The following SLC25A21 variants were observed in gnomAD, a reference collection of about 807,000 sequenced individuals.
SLC25A21 encodes solute carrier family 25 member 21.
Under a neutral mutation model 43.8 loss-of-function variants are expected in SLC25A21, and 47 were observed. That is an observed-to-expected ratio of 1.07 (90% CI 0.85 to 1.37). The LOEUF (loss-of-function observed/expected upper bound fraction) is 1.37, where lower values mean the gene tolerates loss of function less well. SLC25A21 is among the 40% of genes most tolerant of loss of function. The probability of loss-of-function intolerance (pLI) is 0.00; values close to 1 mark genes in which losing one functional copy is unlikely to be tolerated. For synonymous variants in SLC25A21, 131 were observed against 121.3 expected, an observed-to-expected ratio of 1.08 and a Z score of -0.52; for missense variants, 352 against 350.2, an observed-to-expected ratio of 1.00 and a Z score of -0.04.
At chr14:36,833,926 A>G (rs971546563) in intron 2 of SLC25A21, among the ~76,000 whole-genome samples, 2 of 152,228 alleles carry the variant, frequency 1.3e-5, no homozygotes, top group Non-Finnish European at 2.9e-5. Context: ...GGATTAAAAC[A>G]GAAAATAAGA....
chr14:36,799,016 C>T (rs1030853612), intron 3 of SLC25A21, among the ~76,000 whole-genome samples: 4 of 151,980 alleles, frequency 2.6e-5, no homozygotes, highest in African/African-American at 9.7e-5. Context: ...AGTTTGAGGA[C>T]AAGAGAGCTA....
chr14:36,903,881 C>CT lies in SLC25A21; in HGVS notation c.71-28878_71-28877insA, dbSNP rs368268215. On this transcript the variant is annotated intron_variant, in intron 1 of 9. Transcript: ENST00000331299. ...TCCAAGCTGAAAGCTGATTCTAAAT[C>CT]GAACTAAGCGCAATCACTTTGCTTT... Among the ~76,000 whole-genome samples, 502 of 152,218 alleles carry CT rather than the reference C, an allele frequency of 3.3e-3. 4 individuals are homozygous for CT. The highest frequency in any genetic ancestry group is 0.011 in the African/African-American group (470 of 41,522).
chr14:37,111,078 C>T (rs1267019667), intron 1 of SLC25A21, among the ~76,000 whole-genome samples: 1 of 152,110 alleles, frequency 6.6e-6, no homozygotes, highest in Non-Finnish European at 1.5e-5. Context: ...AAAATTATGC[C>T]TTCTCTCAAT....
At chr14:36,778,858 T>C (rs1275265414) in intron 3 of SLC25A21, among the ~76,000 whole-genome samples, 1 of 152,142 alleles carries the variant, frequency 6.6e-6, no homozygotes, top group Non-Finnish European at 1.5e-5. Flanking sequence ...TCTAATCTCT[T>C]AGCAAATTTC....
chr14:36,869,629 C>T (rs1566691675), intron 2 of SLC25A21, among the ~76,000 whole-genome samples: 1 of 152,160 alleles, frequency 6.6e-6, no homozygotes, highest in African/African-American at 2.4e-5. Flanking sequence ...CACTAAAGAC[C>T]TGAGGCTTAC....
At position 37,089,245 on chromosome 14, in the gene SLC25A21, T is replaced by C. The variant is rs1262442295; in HGVS notation, c.70+83036A>G. ...TCTAAATTTAGGTTCATTTTTCTTA[T>C]TTTAACTCTCAAAATATGTGTGTTA... On this transcript the variant is annotated intron_variant, in intron 1 of 9. Coordinates refer to ENST00000331299, the MANE Select transcript of SLC25A21 (RefSeq NM_030631.4). Among the ~76,000 whole-genome samples, 6 of 152,282 alleles carry C rather than the reference T, an allele frequency of 3.9e-5. No individual in the cohort carries two copies. The East Asian group carries it at 1.2e-3, about 29-fold the overall frequency.
At chr14:36,808,488 T>A (rs1163518269) in intron 3 of SLC25A21, among the ~76,000 whole-genome samples, 1 of 152,166 alleles carries the variant, frequency 6.6e-6, no homozygotes, top group African/African-American at 2.4e-5. Context: ...CTGTGTGATT[T>A]GAGGCTAGGA....
At chr14:37,074,084 T>C (rs1235204430) in intron 1 of SLC25A21, among the ~76,000 whole-genome samples, 2 of 152,090 alleles carry the variant, frequency 1.3e-5, no homozygotes, top group Non-Finnish European at 2.9e-5. Flanking sequence ...TAAGGTAATA[T>C]TTTACTTAAG....
At position 37,030,611 on chromosome 14, in the gene SLC25A21, A is replaced by G. The variant is rs185826291; in HGVS notation, c.70+141670T>C. Among the ~76,000 whole-genome samples, 11 of 152,328 alleles carry G rather than the reference A, an allele frequency of 7.2e-5. No homozygotes were observed. In the East Asian group the frequency reaches 2.1e-3, roughly 29 times the overall value. On this transcript the variant is annotated intron_variant, in intron 1 of 9. Coordinates refer to ENST00000331299, the MANE Select transcript of SLC25A21 (RefSeq NM_030631.4). ...ACCTTGCTAGTTCCTTCTTTTTGACAGAATTCCCGGGACGAATCTAGTAGA... is the reference window on the plus strand; with the variant it reads ...ACCTTGCTAGTTCCTTCTTTTTGACGGAATTCCCGGGACGAATCTAGTAGA...
intron 1 of SLC25A21, among the ~76,000 whole-genome samples, chr14:37,144,834 T>C (rs1327034449): frequency 6.6e-6 from 1 of 152,244 alleles, no homozygotes; most frequent in East Asian, 1.9e-4. Context: ...GATTTCACCA[T>C]ATTGCCCATG....
At chr14:37,016,316 T>C (rs1960854252) in intron 1 of SLC25A21, among the ~76,000 whole-genome samples, 1 of 152,212 alleles carries the variant, frequency 6.6e-6, no homozygotes, top group South Asian at 2.1e-4. Flanking sequence ...TCCCCATTGC[T>C]TGTTTTTCTC....
chr14:36,922,539 CT>C (rs35613811), intron 1 of SLC25A21, among the ~76,000 whole-genome samples: 101,200 of 147,672 alleles, frequency 0.69, 34,792 homozygotes, highest in Admixed American at 0.72. Flanking sequence ...TAAAGGCCCT[CT>C]TTTTTTTTTT....
intron 1 of SLC25A21, among the ~76,000 whole-genome samples, chr14:37,167,772 C>G (rs890863405): frequency 6.6e-6 from 1 of 151,904 alleles, no homozygotes; most frequent in Non-Finnish European, 1.5e-5. Flanking sequence ...TCACCTAGAT[C>G]TAACTGGTTC....
At chr14:37,108,737 G>T (rs1420334756) in intron 1 of SLC25A21, among the ~76,000 whole-genome samples, 1 of 146,172 alleles carries the variant, frequency 6.8e-6, no homozygotes, top group Admixed American at 6.7e-5. Flanking sequence ...GTGTGTGTGT[G>T]TGCGTGTGTG....
intron 1 of SLC25A21, among the ~76,000 whole-genome samples, chr14:36,894,695 T>C (rs1435335536): frequency 1.3e-5 from 2 of 152,212 alleles, no homozygotes; most frequent in African/African-American, 4.8e-5. Context: ...ATAGCTCCTA[T>C]TATTTTGAGA....
chr14:37,054,463 C>A (rs1012335736), intron 1 of SLC25A21, among the ~76,000 whole-genome samples: 1 of 152,138 alleles, frequency 6.6e-6, no homozygotes, highest in Admixed American at 6.5e-5. Flanking sequence ...CAATAGAAAG[C>A]CAGAACAAAT....
chr14:37,008,245 GCTT>G (rs1392887237), intron 1 of SLC25A21, among the ~76,000 whole-genome samples: 4 of 152,070 alleles, frequency 2.6e-5, no homozygotes, highest in African/African-American at 9.7e-5. Flanking sequence ...AATTTTCCAG[GCTT>G]CTTCTTAATC....
chr14:36,692,069 T>C (rs1436287784), intron 7 of SLC25A21, among the ~76,000 whole-genome samples: 1 of 152,210 alleles, frequency 6.6e-6, no homozygotes, highest in Non-Finnish European at 1.5e-5. Flanking sequence ...CAAAGACACA[T>C]GGCTAACTAG....
chr14:36,853,813 G>A (rs1052053262), intron 2 of SLC25A21, among the ~76,000 whole-genome samples: 1 of 152,160 alleles, frequency 6.6e-6, no homozygotes, highest in African/African-American at 2.4e-5. Flanking sequence ...TGTCCTCTGA[G>A]ACCCTCCAAC....
Sources: gnomAD v4.1 joint callset for allele counts (sites outside exome capture counted in the v4.1 genomes callset) on GRCh38, gnomAD v4.1.1 for gene constraint, MANE v1.5 for transcripts, NCBI Gene and HGNC (gene_info 2026-07-23, HGNC 2026-07-21) for gene names.